NPAS3: variants seen among roughly 807,000 people sequenced by gnomAD.
The protein encoded by NPAS3 is neuronal PAS domain-containing protein 3.
Under a neutral mutation model 73.1 loss-of-function variants are expected in NPAS3, and 14 were observed. The ratio of observed to expected loss-of-function variants is 0.19; its 90% CI spans 0.13 to 0.30. NPAS3 has a LOEUF of 0.30. Among genes scored for constraint, NPAS3 ranks in the 10% least tolerant of loss-of-function variants. The probability of loss-of-function intolerance (pLI) is 1.00; values close to 1 mark genes in which losing one functional copy is unlikely to be tolerated. For synonymous variants in NPAS3, 620 were observed against 541.5 expected, an observed-to-expected ratio of 1.14 and a Z score of -2.01; for missense variants, 1,096 against 1,250.0, an observed-to-expected ratio of 0.88 and a Z score of 1.86.
At chr14:33,270,882 C>T (rs997663817) in intron 3 of NPAS3, among the ~76,000 whole-genome samples, 1 of 152,118 alleles carries the variant, frequency 6.6e-6, no homozygotes, top group African/African-American at 2.4e-5. Context: ...ACAGGGATCA[C>T]TGGAAATACC....
intron 2 of NPAS3, among the ~76,000 whole-genome samples, chr14:33,129,611 C>A (rs2043559460): frequency 6.6e-6 from 1 of 152,060 alleles, no homozygotes; most frequent in Non-Finnish European, 1.5e-5. Flanking sequence ...ACATTTTAGT[C>A]TATTTGGTTG....
chr14:33,402,104 G>T (rs1711371485), intron 4 of NPAS3, among the ~76,000 whole-genome samples: 1 of 151,966 alleles, frequency 6.6e-6, no homozygotes, highest in Non-Finnish European at 1.5e-5. Context: ...TTGCCCAGTA[G>T]ACATTCTTGG....
intron 4 of NPAS3, among the ~76,000 whole-genome samples, chr14:33,407,472 G>A (rs1362216731): frequency 1.3e-5 from 2 of 151,882 alleles, no homozygotes; most frequent in Non-Finnish European, 2.9e-5. Flanking sequence ...TGCAGTTTTA[G>A]GTAAATTTCT....
intron 2 of NPAS3, among the ~76,000 whole-genome samples, chr14:33,121,728 C>G (rs2043237459): frequency 6.6e-6 from 1 of 152,046 alleles, no homozygotes; most frequent in African/African-American, 2.4e-5. Flanking sequence ...TTGAAAGACA[C>G]AGAAAGTAGG....
At chr14:33,199,024 G>A (rs2046501295) in intron 2 of NPAS3, among the ~76,000 whole-genome samples, 1 of 152,200 alleles carries the variant, frequency 6.6e-6, no homozygotes, top group Non-Finnish European at 1.5e-5. Flanking sequence ...CGGCCTGCTG[G>A]CCGCTCCAAG....
chr14:33,072,178 A>G (rs1013322977), intron 2 of NPAS3, among the ~76,000 whole-genome samples: 1 of 152,224 alleles, frequency 6.6e-6, no homozygotes, highest in Non-Finnish European at 1.5e-5. Context: ...GGCGTGAGCC[A>G]CTGCGCCTGG....
At chr14:33,384,031 G>A (rs185863558) in intron 4 of NPAS3, among the ~76,000 whole-genome samples, 1 of 152,296 alleles carries the variant, frequency 6.6e-6, no homozygotes, top group African/African-American at 2.4e-5. Flanking sequence ...GTACATGGCT[G>A]TGTTTGGCTT....
chr14:33,122,950 A>C (rs1020073479), intron 2 of NPAS3, among the ~76,000 whole-genome samples: 2 of 152,118 alleles, frequency 1.3e-5, no homozygotes, highest in African/African-American at 4.8e-5. Flanking sequence ...AGTCGAAAAT[A>C]AAACAAAACA....
intron 6 of NPAS3, among the ~76,000 whole-genome samples, chr14:33,698,316 GGTT>G (rs2060441329): frequency 3.3e-5 from 5 of 152,170 alleles, no homozygotes; most frequent in African/African-American, 1.2e-4. Flanking sequence ...ACAAAAGAAA[GGTT>G]TTTTTAAAAT....
chr14:33,484,258 G>A (rs548143357), intron 4 of NPAS3, among the ~76,000 whole-genome samples: 2 of 152,144 alleles, frequency 1.3e-5, no homozygotes, highest in African/African-American at 4.8e-5. Context: ...TCTGGAGGAG[G>A]AGCTGAGGAA....
chr14:33,225,031 A>C (rs2047574488), intron 3 of NPAS3, among the ~76,000 whole-genome samples: 1 of 152,146 alleles, frequency 6.6e-6, no homozygotes, highest in Admixed American at 6.5e-5. Context: ...CCTCTGTCCA[A>C]ATGGAAACTT....
intron 5 of NPAS3, among the ~76,000 whole-genome samples, chr14:33,605,906 A>G (rs2140020849): frequency 6.6e-6 from 1 of 152,292 alleles, no homozygotes; most frequent in South Asian, 2.1e-4. Flanking sequence ...TACCTAGCAT[A>G]GCCAAAACAA....
intron 4 of NPAS3, among the ~76,000 whole-genome samples, chr14:33,509,265 C>T (rs982126770): frequency 6.6e-6 from 1 of 151,858 alleles, no homozygotes; most frequent in Admixed American, 6.6e-5. Flanking sequence ...TGTGATTCTG[C>T]CATACAGATT....
intron 3 of NPAS3, among the ~76,000 whole-genome samples, chr14:33,291,670 C>A (rs1193940432): frequency 6.6e-6 from 1 of 152,208 alleles, no homozygotes; most frequent in Non-Finnish European, 1.5e-5. Flanking sequence ...TGTTCAGGTA[C>A]AAGCTGTCAA....
chr14:33,057,679 G>A (rs1457793694), intron 2 of NPAS3, among the ~76,000 whole-genome samples: 1 of 152,122 alleles, frequency 6.6e-6, no homozygotes, highest in Non-Finnish European at 1.5e-5. Flanking sequence ...TAAAGAATTG[G>A]TGTTATTTGT....
At chr14:33,242,164 G>A (rs780258139) in intron 3 of NPAS3, among the ~76,000 whole-genome samples, 10 of 151,892 alleles carry the variant, frequency 6.6e-5, no homozygotes, top group East Asian at 5.8e-4. Flanking sequence ...AAAATAAGTC[G>A]CAAACTCACT....
At chr14:33,527,204 C>A (rs539280434) in intron 4 of NPAS3, among the ~76,000 whole-genome samples, 2 of 152,130 alleles carry the variant, frequency 1.3e-5, no homozygotes, top group African/African-American at 2.4e-5. Flanking sequence ...GTAGCTGGGA[C>A]AAATACTGAG....
chr14:33,576,680 C>T (rs1425870104), intron 5 of NPAS3, among the ~76,000 whole-genome samples: 3 of 152,096 alleles, frequency 2.0e-5, no homozygotes, highest in Admixed American at 6.6e-5. Flanking sequence ...CTTTATTCAC[C>T]TCTATTGTTT....
Position 33,723,235 on chromosome 14 carries a change from A to C in NPAS3, c.734-11979A>C, listed in dbSNP as rs555571208. Reference sequence around the variant, plus strand: ...GAAATGTATCTTGGGCCAATCTTCTAAACTCTTCCATTTGTCATCCCTGTT... The same window carrying C: ...GAAATGTATCTTGGGCCAATCTTCTCAACTCTTCCATTTGTCATCCCTGTT... On this transcript the variant is annotated intron_variant, in intron 6 of 11. Coordinates refer to ENST00000356141, the Ensembl canonical transcript of NPAS3. Among the ~76,000 whole-genome samples, 30 of 152,120 alleles carry C rather than the reference A, an allele frequency of 2.0e-4. 1 individual carries two copies. The South Asian group carries it at 6.0e-3, about 31-fold the overall frequency.
Sources: gnomAD v4.1 joint callset for allele counts (sites outside exome capture counted in the v4.1 genomes callset) on GRCh38, gnomAD v4.1.1 for gene constraint, MANE v1.5 for transcripts, NCBI Gene and HGNC (gene_info 2026-07-23, HGNC 2026-07-21) for gene names.